Variants in PREP observed in about 807,000 individuals in gnomAD.
The protein encoded by PREP is dJ355L5.1 (prolyl endopeptidase).
A neutral mutation model predicts 87.6 loss-of-function variants in PREP; 29 were observed. The ratio of observed to expected loss-of-function variants is 0.33; its 90% confidence interval spans 0.25 to 0.45. The LOEUF (loss-of-function observed/expected upper bound fraction) is 0.45, where lower values mean the gene tolerates loss of function less well. Among genes scored for constraint, PREP ranks in the 20% least tolerant of loss-of-function variants. The probability of loss-of-function intolerance (pLI) is 1.00; values close to 1 mark genes in which losing one functional copy is unlikely to be tolerated. For synonymous variants in PREP, 337 were observed against 328.6 expected (o/e 1.03, Z -0.28); for missense variants, 695 against 886.5 (o/e 0.78, Z 2.74).
chr6:105,286,984 G>A (rs576037362), intron 11 of PREP, among the ~76,000 whole-genome samples: 19 of 151,700 alleles, frequency 1.3e-4, no homozygotes, highest in Non-Finnish European at 1.9e-4. Flanking sequence ...GATGAAACAC[G>A]TGTTCACTGC....
chr6:105,350,636 T>C (rs1279089243), intron 7 of PREP, among the ~76,000 whole-genome samples: 5 of 152,170 alleles, frequency 3.3e-5, no homozygotes, highest in Admixed American at 2.6e-4. Flanking sequence ...AAACCAGTGA[T>C]CAATTAAAAA....
At chr6:105,389,176 C>A (rs1322305351) in intron 2 of PREP, among the ~76,000 whole-genome samples, 1 of 152,236 alleles carries the variant, frequency 6.6e-6, no homozygotes, top group Non-Finnish European at 1.5e-5. Flanking sequence ...CCAAGCAGCA[C>A]CATCTTCGTT....
chr6:105,357,461 A>G (rs887086844), intron 6 of PREP, among the ~76,000 whole-genome samples: 2 of 152,250 alleles, frequency 1.3e-5, no homozygotes, highest in African/African-American at 4.8e-5. Context: ...CCCAAGGTAC[A>G]TTGCTGTTAT....
intron 5 of PREP, among the ~76,000 whole-genome samples, chr6:105,372,208 G>GAAA (rs879759218): frequency 7.0e-6 from 1 of 143,422 alleles, no homozygotes; most frequent in Non-Finnish European, 1.5e-5. Flanking sequence ...AATTGTGGGG[G>GAAA]AAAAAAAAAA....
intron 2 of PREP, among the ~76,000 whole-genome samples, chr6:105,390,171 G>C (rs1433481185): frequency 2.0e-5 from 3 of 152,164 alleles, no homozygotes; most frequent in Non-Finnish European, 4.4e-5. Flanking sequence ...AAGGATTTCT[G>C]TTCTAATTGC....
chr6:105,317,766 C>T (rs1770913424), intron 10 of PREP, among the ~76,000 whole-genome samples: 2 of 152,162 alleles, frequency 1.3e-5, no homozygotes, highest in Admixed American at 1.3e-4. Flanking sequence ...TGGACACTAG[C>T]TTACACAGCT....
chr6:105,398,772 T>TA (rs1166055411), intron 1 of PREP, among the ~76,000 whole-genome samples: 1 of 152,034 alleles, frequency 6.6e-6, no homozygotes, highest in Non-Finnish European at 1.5e-5. Context: ...TATCCAGCAG[T>TA]AAAAATCATT....
intron 14 of PREP, chr6:105,279,036 AGAG>A (rs1169782672): frequency 2.0e-5 from 3 of 152,340 alleles, no homozygotes; most frequent in Admixed American, 2.0e-4. Flanking sequence ...AGACTTTGCC[AGAG>A]GAGGAGGGCA....
In PREP at chr6:105,288,638, T is replaced by G; in HGVS notation, c.1454+120A>C. The G allele has an allele frequency of 2.7e-5, 35 of 1,316,092 alleles. 1 individual carries two copies. The highest frequency in any genetic ancestry group is 7.3e-5 in the South Asian group (5 of 68,178). The allele number at this position is 1,316,092 out of a possible 1,614,324, so 81.5% of individuals were successfully genotyped here. On this transcript the variant is annotated intron_variant, in intron 11 of 14. Coordinates refer to ENST00000652536, the MANE Select transcript of PREP (RefSeq NM_002726.5). ...TCCCAAGGTGCTGGGATTATAGGTG[T>G]GAACCCCCACGCCTGGCCAGTAATG...
intron 9 of PREP, among the ~76,000 whole-genome samples, chr6:105,328,236 A>G (rs1771224302): frequency 6.6e-6 from 1 of 152,110 alleles, no homozygotes; most frequent in South Asian, 2.1e-4. Context: ...CAAAGACTGA[A>G]TCAAATGTTG....
At chr6:105,318,844 C>T (rs558581144) in intron 10 of PREP, among the ~76,000 whole-genome samples, 4 of 152,324 alleles carry the variant, frequency 2.6e-5, no homozygotes, top group East Asian at 1.9e-4. Flanking sequence ...CACTGCCACT[C>T]GTTCACTAGT....
chr6:105,332,872 T>C (rs570647353), intron 8 of PREP, among the ~76,000 whole-genome samples: 2 of 152,300 alleles, frequency 1.3e-5, no homozygotes, highest in East Asian at 3.9e-4. Flanking sequence ...AATAGTCTAT[T>C]CCCTTTTCTA....
At chr6:105,397,423 T>A (rs1773315759) in intron 2 of PREP, among the ~76,000 whole-genome samples, 1 of 152,192 alleles carries the variant, frequency 6.6e-6, no homozygotes, top group Non-Finnish European at 1.5e-5. Flanking sequence ...TTGACATCAA[T>A]AAGCAATTTA....
At chr6:105,385,151 C>G (rs1265966798) in intron 2 of PREP, among the ~76,000 whole-genome samples, 1 of 151,674 alleles carries the variant, frequency 6.6e-6, no homozygotes, top group Non-Finnish European at 1.5e-5. Context: ...AAGTTCTCTA[C>G]AATAAAGGTG....
chr6:105,277,308 C>T lies in PREP; in HGVS notation c.*836G>A, dbSNP rs117185897. The stretch of plus-strand genomic sequence containing the variant: ...TATCTGTTTGTTTGGATAATTTACT[C>T]ATGTGATCTCTTGGAACCAAGGATC... On this transcript the variant is annotated 3_prime_UTR_variant, in exon 15 of 15. Transcript: ENST00000652536. Among the ~76,000 whole-genome samples the T allele has an allele frequency of 0.023, 3,504 of 152,066 alleles. 58 individuals are homozygous for T. Among genetic ancestry groups the T allele is most frequent in the Non-Finnish European group, 0.032 (2,208 of 67,982 alleles).
At chr6:105,324,717 A>T (rs1383659731) in intron 9 of PREP, among the ~76,000 whole-genome samples, 1 of 152,230 alleles carries the variant, frequency 6.6e-6, no homozygotes, top group Non-Finnish European at 1.5e-5. Context: ...TGGAATAATC[A>T]TTATTAAAAT....
chr6:105,331,686 G>A (rs752247571), intron 8 of PREP, among the ~76,000 whole-genome samples: 33 of 152,174 alleles, frequency 2.2e-4, no homozygotes, highest in Non-Finnish European at 3.4e-4. Context: ...AAGCCATCAG[G>A]CTATCAAAGT....
chr6:105,402,323 CTCAACACACCTTTTAAAA>C (rs1773454054), intron 1 of PREP, among the ~76,000 whole-genome samples: 1 of 152,154 alleles, frequency 6.6e-6, no homozygotes, highest in Admixed American at 6.5e-5. Context: ...AGGGTAGGCG[CTCAACACACCTTTTAAAA>C]TCGAACGAAT....
chr6:105,316,965 T>TC (rs887202061), intron 10 of PREP, among the ~76,000 whole-genome samples: 1 of 151,640 alleles, frequency 6.6e-6, no homozygotes, highest in African/African-American at 2.4e-5. Flanking sequence ...ATTAATTTTT[T>TC]TTTTTTTTTT....
Sources: allele counts gnomAD v4.1 joint callset (sites outside exome capture counted in the v4.1 genomes callset), GRCh38; gene constraint gnomAD v4.1.1; transcripts MANE v1.5; gene names NCBI Gene and HGNC (gene_info 2026-07-23, HGNC 2026-07-21).